LRTM3: variants seen among roughly 807,000 people sequenced by gnomAD.
LRTM3 encodes leucine rich repeat transmembrane protein 3, also known as leucine-rich repeat transmembrane protein 3.
chr13:102,734,169 A>G, the LRTM3 span: 14 of 1,551,340 alleles, frequency 9.0e-6, no homozygotes, highest in South Asian at 1.7e-4. Flanking sequence ...GCCTCTTGGC[A>G]GTGTATCCTG....
chr13:102,748,446 T>A, the LRTM3 span: 19 of 1,551,270 alleles, frequency 1.2e-5, no homozygotes, highest in Non-Finnish European at 1.7e-5. Flanking sequence ...TGTTTCTGTG[T>A]ATTTTCCCTT....
chr13:102,731,012 A>G, the LRTM3 span: 48 of 1,551,324 alleles, frequency 3.1e-5, no homozygotes, highest in African/African-American at 6.3e-4. Context: ...AAAGGCTTTC[A>G]TTTGTATCTC....
the LRTM3 span, chr13:102,745,168 A>T: frequency 6.4e-7 from 1 of 1,550,842 alleles, no homozygotes; most frequent in Non-Finnish European, 8.7e-7. Flanking sequence ...GAAAGTCAAG[A>T]TCCTTCCCCT....
At chr13:102,732,431 C>G in the LRTM3 span, 2 of 1,551,068 alleles carry the variant, frequency 1.3e-6, no homozygotes, top group African/African-American at 2.7e-5. Context: ...GCTCAATTCT[C>G]TTTTCAGATC....
the LRTM3 span, chr13:102,749,311 A>G: frequency 1.7e-5 from 26 of 1,551,256 alleles, no homozygotes; most frequent in Non-Finnish European, 2.1e-5. Context: ...GCACTGAGCT[A>G]TATACAGAAT....
At chr13:102,744,980 G>A in the LRTM3 span, 43 of 1,550,586 alleles carry the variant, frequency 2.8e-5, no homozygotes, top group Non-Finnish European at 3.7e-5. Flanking sequence ...ACCATTTACT[G>A]AGTCCTCTGA....
the LRTM3 span, chr13:102,750,166 T>C: frequency 1.9e-6 from 3 of 1,551,002 alleles, no homozygotes; most frequent in African/African-American, 2.7e-5. Flanking sequence ...CTGTATGGCT[T>C]AGACACGTTT....
chr13:102,746,277 C>T, the LRTM3 span: 1 of 1,551,060 alleles, frequency 6.4e-7, no homozygotes, highest in Non-Finnish European at 8.7e-7. Flanking sequence ...TGTGGCGCTG[C>T]TTCTAATAAA....
chr13:102,742,196 T>C, the LRTM3 span: 3 of 1,550,610 alleles, frequency 1.9e-6, no homozygotes, highest in Non-Finnish European at 1.7e-6. Flanking sequence ...TGACTTCTGC[T>C]GCTGGATGTT....
the LRTM3 span, chr13:102,745,520 C>T: frequency 2.0e-5 from 31 of 1,551,012 alleles, no homozygotes; most frequent in Non-Finnish European, 2.7e-5. Flanking sequence ...CGGACCAGCA[C>T]CAGCCCTGAT....
At chr13:102,738,311 C>T in the LRTM3 span, 50 of 1,550,750 alleles carry the variant, frequency 3.2e-5, no homozygotes, top group Non-Finnish European at 4.2e-5. Context: ...TGCTTTTTCC[C>T]CTGCCTCTGA....
At chr13:102,746,706 T>A in the LRTM3 span, 1 of 1,551,112 alleles carries the variant, frequency 6.4e-7, no homozygotes. Context: ...TCTGGCGAAG[T>A]TGCTGGTAAA....
the LRTM3 span, chr13:102,746,924 G>C: frequency 6.4e-7 from 1 of 1,551,208 alleles, no homozygotes; most frequent in Non-Finnish European, 8.7e-7. Flanking sequence ...CTCAGCATGA[G>C]ATAGTTCCAT....
At chr13:102,747,398 A>C in the LRTM3 span, 1 of 1,549,794 alleles carries the variant, frequency 6.5e-7, no homozygotes, top group Non-Finnish European at 8.7e-7. Context: ...ATAAGGCATC[A>C]GTGAGATTGC....
chr13:102,739,299 C>T, the LRTM3 span: 7 of 1,549,278 alleles, frequency 4.5e-6, no homozygotes, highest in South Asian at 8.3e-5. Context: ...TTCACATCTA[C>T]TATATTTTCT....
chr13:102,758,387 T>C, the LRTM3 span: 139 of 1,482,752 alleles, frequency 9.4e-5, no homozygotes, highest in Non-Finnish European at 1.2e-4. Context: ...AGCTTCAAAA[T>C]ATTTTTGTGA....
At chr13:102,747,925 G>A in the LRTM3 span, 16 of 1,551,168 alleles carry the variant, frequency 1.0e-5, no homozygotes, top group Non-Finnish European at 1.4e-5. Flanking sequence ...TGCTGAACCT[G>A]AAGCCTTGTG....
chr13:102,739,005 A>G, the LRTM3 span: 5 of 1,550,288 alleles, frequency 3.2e-6, no homozygotes, highest in South Asian at 3.6e-5. Flanking sequence ...GGCTGCTCAC[A>G]TTTTTCCATT....
the LRTM3 span, chr13:102,733,069 C>T: frequency 3.5e-5 from 55 of 1,551,208 alleles, no homozygotes; most frequent in South Asian, 7.1e-5. Flanking sequence ...GGCTGAGGTG[C>T]GCTGTTGTTT....
Sources: gnomAD v4.1 joint callset for allele counts on GRCh38, gnomAD v4.1.1 for gene constraint, MANE v1.5 for transcripts, NCBI Gene and HGNC (gene_info 2026-07-23, HGNC 2026-07-21) for gene names.